The following CWC27 variants were observed in gnomAD, a reference collection of about 807,000 sequenced individuals.
The protein encoded by CWC27 is CWC27 spliceosome associated cyclophilin.
A neutral mutation model predicts 63.6 loss-of-function variants in CWC27; 47 were observed. The observed-to-expected ratio is 0.74, with a 90% CI of 0.58 to 0.94. CWC27 has a LOEUF of 0.94. CWC27 is among the 40% of genes least tolerant of loss of function. The pLI is 0.00. For synonymous variants in CWC27, 175 were observed against 179.8 expected (o/e 0.97, Z 0.22); for missense variants, 495 against 554.3 (o/e 0.89, Z 1.07).
At chr5:64,849,027 G>A (rs896774591) in intron 10 of CWC27, among the ~76,000 whole-genome samples, 4 of 152,076 alleles carry the variant, frequency 2.6e-5, no homozygotes, top group Admixed American at 6.6e-5. Context: ...CACACAAATA[G>A]GAAAGGAAGA....
At chr5:64,806,816 A>C (rs544432003) in intron 10 of CWC27, among the ~76,000 whole-genome samples, 2 of 152,288 alleles carry the variant, frequency 1.3e-5, no homozygotes, top group South Asian at 4.1e-4. Context: ...CAACAGAGCA[A>C]GACCCTGTCT....
At chr5:64,964,640 C>A (rs1042801307) in intron 11 of CWC27, among the ~76,000 whole-genome samples, 1 of 152,118 alleles carries the variant, frequency 6.6e-6, no homozygotes, top group African/African-American at 2.4e-5. Context: ...AATTTTATAG[C>A]TGTTTGTGAG....
chr5:64,781,964 C>A lies in CWC27; in HGVS notation c.183C>A (p.Phe61Leu). 1 of 1,601,952 alleles carries A rather than the reference C, an allele frequency of 6.2e-7. No individual in the cohort carries two copies. Among genetic ancestry groups the A allele is most frequent in the Non-Finnish European group, 8.5e-7 (1 of 1,172,094 alleles). ...TTTTTCATAGAGTTGTGCCTGGTTT[C>A]ATAGTCCAAGGCGGAGATCCTACTG... The part of the protein sequence containing the change: ...NTIFHRVVPG[F>L]IVQGGDPTGT... The change falls in exon 3 of 14, where the codon TTC becomes TTA. Residue 61 changes from phenylalanine to leucine, a missense_variant. Physicochemically the swap from Phe to Leu is conservative, Grantham distance 22. Transcript: ENST00000381070.
intron 2 of CWC27, among the ~76,000 whole-genome samples, chr5:64,777,171 C>T (rs1288027042): frequency 6.6e-6 from 1 of 152,046 alleles, no homozygotes; most frequent in Non-Finnish European, 1.5e-5. Flanking sequence ...ATGTTTAATA[C>T]ATTGTGTGAC....
At chr5:64,884,016 A>G (rs1747007035) in intron 10 of CWC27, 1 of 152,172 alleles carries the variant, frequency 6.6e-6, no homozygotes, top group African/African-American at 2.4e-5. Flanking sequence ...ATCTAAAGTT[A>G]TTATATTCCC....
At chr5:64,772,421 A>G (rs1743289643) in intron 1 of CWC27, among the ~76,000 whole-genome samples, 1 of 150,750 alleles carries the variant, frequency 6.6e-6, no homozygotes, top group Non-Finnish European at 1.5e-5. Flanking sequence ...CAGGAGTTCA[A>G]GACCAATCTG....
intron 10 of CWC27, among the ~76,000 whole-genome samples, chr5:64,829,977 CT>C (rs146220063): frequency 2.7e-3 from 315 of 117,944 alleles, no homozygotes; most frequent in South Asian, 5.0e-3. Context: ...ATGAACTCAT[CT>C]TTTTTTTTTT....
intron 4 of CWC27, 29 bp downstream of exon 4, chr5:64,784,008 G>C (rs1182990742): frequency 6.5e-7 from 1 of 1,530,450 alleles, no homozygotes; most frequent in African/African-American, 1.4e-5. Flanking sequence ...TAAACCTGTG[G>C]TTCAGTTTTT....
intron 11 of CWC27, among the ~76,000 whole-genome samples, chr5:64,903,072 T>A (rs747398414): frequency 6.6e-6 from 1 of 152,220 alleles, no homozygotes; most frequent in Non-Finnish European, 1.5e-5. Flanking sequence ...TTTACACTGT[T>A]GGTGGGAGTG....
chr5:64,850,891 C>CAA (rs58656676), intron 10 of CWC27, among the ~76,000 whole-genome samples: 1 of 151,358 alleles, frequency 6.6e-6, no homozygotes, highest in East Asian at 1.9e-4. Flanking sequence ...GAATGGCTAT[C>CAA]AAAAAAAAGT....
intron 7 of CWC27, among the ~76,000 whole-genome samples, chr5:64,795,374 C>T (rs1182043288): frequency 6.6e-6 from 1 of 152,080 alleles, no homozygotes; most frequent in Non-Finnish European, 1.5e-5. Context: ...TAACAAATTG[C>T]CATAAACTTA....
intron 10 of CWC27, among the ~76,000 whole-genome samples, chr5:64,873,971 G>T (rs968273785): frequency 1.3e-5 from 2 of 151,990 alleles, no homozygotes; most frequent in Non-Finnish European, 1.5e-5. Flanking sequence ...TTGAAAATCA[G>T]TTGACTGTAA....
chr5:64,936,076 T>C lies in CWC27; in HGVS notation c.1043-35627T>C, dbSNP rs188163017. ...ACAATTTGACTTCCTCTCTTCCTAT[T>C]TGAATACCCTTTATTTATTTCTCTT... On this transcript the variant is annotated intron_variant, in intron 11 of 13. Transcript: ENST00000381070. Among the ~76,000 whole-genome samples, 29 of 152,304 alleles carry C rather than the reference T, an allele frequency of 1.9e-4. No individual in the cohort carries two copies. The East Asian group carries it at 4.6e-3, about 24-fold the overall frequency.
At chr5:65,010,361 T>C (rs74656337) in intron 13 of CWC27, among the ~76,000 whole-genome samples, 4,135 of 152,310 alleles carry the variant, frequency 0.027, 74 homozygotes, top group Non-Finnish European at 0.045. Context: ...CTTGCTGAGA[T>C]TTTTCTTTAA....
chr5:64,804,358 G>A lies in CWC27; in HGVS notation c.910G>A (p.Glu304Lys), dbSNP rs146471959. The change falls in exon 10 of 14, where the codon GAA (glutamate) becomes AAA (lysine). Residue 304 changes from glutamate (E) to lysine (K), a missense_variant. Glu to Lys is a moderately conservative substitution (Grantham distance 56). This residue lies in a region of CWC27 where 463 missense variants were observed against 498.1 expected (regional missense o/e 0.93). Coordinates refer to ENST00000381070, the MANE Select transcript of CWC27 (RefSeq NM_005869.4). ...SANVKSAGEG[E>K]VEKKSVSRSE... ...GAATGTTAAATCAGCTGGAGAAGGA[G>A]AAGTGGAGAAGAAATCAGTCAGCCG... The A allele has an allele frequency of 3.7e-6, 6 of 1,612,092 alleles. No homozygotes were observed. The highest frequency in any genetic ancestry group is 2.7e-5 in the African/African-American group (2 of 74,784).
At chr5:64,797,422 A>G (rs1325666213) in intron 7 of CWC27, among the ~76,000 whole-genome samples, 1 of 152,226 alleles carries the variant, frequency 6.6e-6, no homozygotes, top group East Asian at 1.9e-4. Context: ...TTCAGAGTCT[A>G]CTGTAGTGGG....
chr5:64,968,853 A>C (rs1461644691), intron 11 of CWC27, among the ~76,000 whole-genome samples: 1 of 152,194 alleles, frequency 6.6e-6, no homozygotes, highest in African/African-American at 2.4e-5. Flanking sequence ...ACCTCAATAC[A>C]GCTGTTTTTA....
intron 11 of CWC27, among the ~76,000 whole-genome samples, chr5:64,923,868 A>G (rs1254957929): frequency 1.3e-5 from 2 of 151,850 alleles, no homozygotes; most frequent in East Asian, 3.9e-4. Context: ...CCCAGACCTG[A>G]ATCCCTACTA....
At chr5:64,785,339 T>C (rs1580593719) in intron 4 of CWC27, 142 bp from the exon 5 acceptor site, 2 of 414,912 alleles carry the variant, frequency 4.8e-6, no homozygotes, top group East Asian at 7.5e-5. Context: ...AGTTGCTTTA[T>C]TTGCATTATT....
Sources: allele counts gnomAD v4.1 joint callset (sites outside exome capture counted in the v4.1 genomes callset), GRCh38; gene constraint gnomAD v4.1.1; regional missense constraint gnomAD v4.1.1; transcripts MANE v1.5; gene names NCBI Gene and HGNC (gene_info 2026-07-23, HGNC 2026-07-21).